Variants in ATRN observed in about 807,000 individuals in gnomAD.
The protein encoded by ATRN is attractin.
ATRN carries 54 observed loss-of-function variants against 178.7 expected under a neutral mutation model. The observed-to-expected ratio is 0.30, with a 90% CI of 0.24 to 0.38. ATRN has a LOEUF of 0.38. Among genes scored for constraint, ATRN ranks in the 10% least tolerant of loss-of-function variants. The probability of loss-of-function intolerance (pLI) is 1.00; values close to 1 mark genes in which losing one functional copy is unlikely to be tolerated. For synonymous variants in ATRN, 636 were observed against 663.0 expected, an observed-to-expected ratio of 0.96 and a Z score of 0.63; for missense variants, 1,443 against 1,815.1, an observed-to-expected ratio of 0.79 and a Z score of 3.73.
intron 3 of ATRN, among the ~76,000 whole-genome samples, chr20:3,544,719 C>T (rs563539654): frequency 1.3e-5 from 2 of 152,010 alleles, no homozygotes; most frequent in African/African-American, 2.4e-5. Context: ...ATGGACCCTT[C>T]ATTCTGTATT....
chr20:3,561,052 G>A, intron 8 of ATRN, 147 bp downstream of exon 8: 1 of 1,087,258 alleles, frequency 9.2e-7, no homozygotes, highest in East Asian at 2.5e-5. Flanking sequence ...CAGGCGTGGT[G>A]GCCCACTCCT....
At chr20:3,512,531 A>T (rs578100911) in intron 1 of ATRN, among the ~76,000 whole-genome samples, 1 of 152,188 alleles carries the variant, frequency 6.6e-6, no homozygotes, top group Admixed American at 6.5e-5. Context: ...GGTTGGTTCC[A>T]AGTCTTTGCT....
chr20:3,579,883 G>C (rs796586077), intron 15 of ATRN, among the ~76,000 whole-genome samples: 3 of 152,234 alleles, frequency 2.0e-5, no homozygotes, highest in African/African-American at 7.2e-5. Context: ...GCTGCCTGTG[G>C]CCTCTGTGTA....
At chr20:3,559,522 T>C (rs777221673) in intron 7 of ATRN, 39 bp downstream of exon 7, 4 of 1,507,402 alleles carry the variant, frequency 2.7e-6, no homozygotes, top group Non-Finnish European at 3.7e-6. Flanking sequence ...AGAAACTAAG[T>C]TTTCCTCAGT....
intron 22 of ATRN, among the ~76,000 whole-genome samples, chr20:3,598,826 A>G (rs1324154903): frequency 2.6e-5 from 4 of 152,240 alleles, no homozygotes; most frequent in African/African-American, 9.6e-5. Flanking sequence ...CTTACTTCTC[A>G]TGAACATACA....
Position 3,596,366 on chromosome 20 carries a change from T to TC in ATRN, c.3417-11_3417-10insC. The TC allele has an allele frequency of 6.2e-7, 1 of 1,611,364 alleles. No individual in the cohort carries two copies. The highest frequency in any genetic ancestry group is 1.3e-5 in the African/African-American group (1 of 74,938). On this transcript the variant is annotated splice_polypyrimidine_tract_variant and intron_variant, in intron 20 of 28. Coordinates refer to ENST00000262919, the MANE Select transcript of ATRN (RefSeq NM_139321.3). The stretch of plus-strand genomic sequence containing the variant: ...AAATAGCAGTATAAAATAGTCTTTT[T>TC]TCCCCCCCAGATGTGAGGTAGAAAA...
chr20:3,645,342 G>A lies in ATRN; in HGVS notation c.4165+1074G>A, dbSNP rs771994719. 2.0e-5 allele frequency among the ~76,000 whole-genome samples: 3 copies of A among 152,310 alleles called. No individual in the cohort carries two copies. The highest frequency in any genetic ancestry group is 2.9e-5 in the Non-Finnish European group (2 of 68,034). On this transcript the variant is annotated intron_variant, in intron 28 of 28. Transcript: ENST00000262919. This position sits in a 1 kb window ranked among gnomAD's most constrained non-coding sequence, Gnocchi z 4.7. The stretch of plus-strand genomic sequence containing the variant: ...CGAGGGAGGCCTTTCGACATGGCTC[G>A]GCCAGGATTCATTGTCTTCATCTCA...
At chr20:3,512,108 T>TATATATATATATATATATATATATA (rs1491340714) in intron 1 of ATRN, among the ~76,000 whole-genome samples, 1 of 100,760 alleles carries the variant, frequency 9.9e-6, no homozygotes, top group African/African-American at 4.6e-5. Context: ...TATATATATA[T>TATATATATATATATATATATATATA]TTTTTTTTTT....
chr20:3,504,826 A>G (rs564786192), intron 1 of ATRN, among the ~76,000 whole-genome samples: 11 of 151,942 alleles, frequency 7.2e-5, no homozygotes, highest in Non-Finnish European at 1.3e-4. Flanking sequence ...AGATGATGAT[A>G]TTTAAATCAA....
In ATRN at chr20:3,540,090, T is replaced by C. The variant is rs2085596690; in HGVS notation, c.495-132T>C. ...GAATACTAAATAAATCTTTGACAAA[T>C]GAAGGAATACTGGTGGGGCAGTTGT... On this transcript the variant is annotated intron_variant, in intron 2 of 28. Transcript: ENST00000262919. 2.3e-5 allele frequency: 12 copies of C among 525,874 alleles called. No homozygotes were observed. The South Asian group carries it at 2.3e-4, about 10-fold the overall frequency. 32.6% of individuals were successfully genotyped at this position (525,874 alleles called of 1,614,324 possible).
At chr20:3,608,834 G>T (rs995680991) in intron 24 of ATRN, among the ~76,000 whole-genome samples, 3 of 152,142 alleles carry the variant, frequency 2.0e-5, no homozygotes, top group Non-Finnish European at 2.9e-5. Context: ...ATGTGCAGTG[G>T]TGGGTGCCTG....
intron 4 of ATRN, among the ~76,000 whole-genome samples, chr20:3,546,397 T>G (rs1356873831): frequency 6.7e-6 from 1 of 148,764 alleles, no homozygotes; most frequent in Non-Finnish European, 1.5e-5. Context: ...CTGTTTTTTT[T>G]TTTTTTTTTT....
intron 6 of ATRN, among the ~76,000 whole-genome samples, chr20:3,556,030 T>C (rs528061207): frequency 6.6e-5 from 10 of 152,012 alleles, no homozygotes; most frequent in Admixed American, 1.3e-4. Context: ...AACAGAAGAA[T>C]TGGGAGGTTG....
chr20:3,568,521 T>C (rs1179676077), intron 11 of ATRN, among the ~76,000 whole-genome samples: 3 of 149,966 alleles, frequency 2.0e-5, no homozygotes, highest in East Asian at 4.0e-4. Context: ...TCAAAAAAAA[T>C]ATATTTCAGA....
chr20:3,478,491 G>A (rs1213368376), intron 1 of ATRN, among the ~76,000 whole-genome samples: 2 of 152,032 alleles, frequency 1.3e-5, no homozygotes, highest in Non-Finnish European at 2.9e-5. Flanking sequence ...GTTCTCACTC[G>A]TAAGTGGGAG....
intron 1 of ATRN, among the ~76,000 whole-genome samples, chr20:3,529,711 T>C (rs939584328): frequency 6.6e-6 from 1 of 152,142 alleles, no homozygotes; most frequent in African/African-American, 2.4e-5. Flanking sequence ...TATATCCTGT[T>C]TGAGGAGATT....
At chr20:3,569,273 A>G (rs952263199) in intron 11 of ATRN, among the ~76,000 whole-genome samples, 1 of 152,112 alleles carries the variant, frequency 6.6e-6, no homozygotes, top group Non-Finnish European at 1.5e-5. Context: ...ACTTACATAA[A>G]CTTAGGCTAC....
At chr20:3,493,679 G>GC (rs1368406541) in intron 1 of ATRN, among the ~76,000 whole-genome samples, 8 of 152,060 alleles carry the variant, frequency 5.3e-5, no homozygotes, top group Non-Finnish European at 7.4e-5. Context: ...ACCAAGCTAG[G>GC]CATCCACACG....
At chr20:3,510,220 T>G (rs2085106035) in intron 1 of ATRN, among the ~76,000 whole-genome samples, 1 of 152,204 alleles carries the variant, frequency 6.6e-6, no homozygotes, top group Non-Finnish European at 1.5e-5. Flanking sequence ...GGATCCAGTC[T>G]AGGGTTAGGT....
Sources: gnomAD v4.1 joint callset for allele counts (sites outside exome capture counted in the v4.1 genomes callset) on GRCh38, gnomAD v4.1.1 for gene constraint, Gnocchi (gnomAD v3.1) non-coding constraint, MANE v1.5 for transcripts, NCBI Gene and HGNC (gene_info 2026-07-23, HGNC 2026-07-21) for gene names.